SVOP: variants seen among roughly 807,000 people sequenced by gnomAD.
The protein encoded by SVOP is synaptic vesicle 2-related protein.
In SVOP, 17 loss-of-function variants were observed where a neutral mutation model predicts 69.1. The ratio of observed to expected loss-of-function variants is 0.25; its 90% CI spans 0.17 to 0.37. SVOP has a LOEUF of 0.37. Among genes scored for constraint, SVOP ranks in the 10% least tolerant of loss-of-function variants. The pLI is 1.00. For synonymous variants in SVOP, 238 were observed against 238.6 expected (o/e 1.00, Z 0.02); for missense variants, 435 against 597.5 (o/e 0.73, Z 2.84).
rs1304085500 is a variant in SVOP at position 108,908,015 on chromosome 12, G to A, written c.*4520C>T. 6 of 151,922 alleles carry A rather than the reference G, an allele frequency of 3.9e-5. No individual in the cohort carries two copies. The highest frequency in any genetic ancestry group is 1.5e-5 in the Non-Finnish European group (1 of 68,070). The allele number at this position is 151,922 out of a possible 1,614,324, so 9.4% of individuals were successfully genotyped here. ...ACTTCTTCCTGACCCAATTGAATTG[G>A]ACCAAGACTCAATCCAACACTAAAC... On this transcript the variant is annotated 3_prime_UTR_variant, in exon 16 of 16. Coordinates refer to ENST00000610966, the MANE Select transcript of SVOP (RefSeq NM_018711.5).
At chr12:108,941,639 C>T (rs1271993755) in intron 7 of SVOP, among the ~76,000 whole-genome samples, 2 of 152,030 alleles carry the variant, frequency 1.3e-5, no homozygotes, top group African/African-American at 2.4e-5. Flanking sequence ...ACTCAATTTG[C>T]AAACGTGAAA....
At chr12:108,991,437 TTTTGCTTGTTTG>T (rs201945751) in intron 1 of SVOP, among the ~76,000 whole-genome samples, 134,836 of 150,638 alleles carry the variant, frequency 0.9, 61,042 homozygotes, top group Non-Finnish European at 0.99. Flanking sequence ...CCATCTCGGG[TTTTGCTTGTTTG>T]TTTGTTTGTT....
At chr12:108,989,771 G>T (rs2137443799) in intron 1 of SVOP, among the ~76,000 whole-genome samples, 1 of 152,332 alleles carries the variant, frequency 6.6e-6, no homozygotes, top group Admixed American at 6.5e-5. Context: ...AGAAGTTCCT[G>T]CAGAGTTATT....
At chr12:108,954,573 T>C (rs557567562) in intron 6 of SVOP, among the ~76,000 whole-genome samples, 1 of 152,310 alleles carries the variant, frequency 6.6e-6, no homozygotes, top group South Asian at 2.1e-4. Context: ...GAATCTCTCG[T>C]CCTCTTTGTA....
chr12:108,947,343 G>GTCTA (rs920860364), intron 6 of SVOP, among the ~76,000 whole-genome samples: 3 of 151,978 alleles, frequency 2.0e-5, no homozygotes, highest in African/African-American at 7.3e-5. Flanking sequence ...TTATCTGTCT[G>GTCTA]TCTATCTATC....
chr12:108,937,313 G>A lies in SVOP; in HGVS notation c.922C>T (p.Leu308Phe). Residue 308 changes from leucine (L) to phenylalanine (F), a missense_variant, in exon 10 of 16, where the codon CTT (leucine) becomes TTT (phenylalanine). Leu to Phe is a conservative substitution (Grantham distance 22). Coordinates refer to ENST00000610966, the MANE Select transcript of SVOP (RefSeq NM_018711.5). ...RQEDRGKMRD[L>F]FTPHFRWTTL... ...GTCCATCTAAAATGGGGTGTGAAAA[G>A]GTCCCTCATTTTGCCTCGGTCTTCC... 1 of 1,613,908 alleles carries A rather than the reference G, an allele frequency of 6.2e-7. No individual in the cohort carries two copies. Among genetic ancestry groups the A allele is most frequent in the Non-Finnish European group, 8.5e-7 (1 of 1,179,858 alleles).
At position 108,929,588 on chromosome 12, in the gene SVOP, T is replaced by C. The variant is rs187289454; in HGVS notation, c.1048+4607A>G. 1.1e-4 allele frequency among the ~76,000 whole-genome samples: 16 copies of C among 152,220 alleles called. No homozygotes were observed. In the East Asian group the frequency reaches 3.1e-3, roughly 29 times the overall value. On this transcript the variant is annotated intron_variant, in intron 11 of 15. Transcript: ENST00000610966. ...CCTCCCAAGGTGCTGGGATTACGAG[T>C]ATGAGCCTGGCCCAGCAATAATCCT...
chr12:108,925,727 G>A (rs60632566), intron 11 of SVOP, among the ~76,000 whole-genome samples: 2 of 152,108 alleles, frequency 1.3e-5, no homozygotes, highest in East Asian at 3.9e-4. Flanking sequence ...CCTTTGGCAA[G>A]TAAGGCATGC....
At position 108,938,676 on chromosome 12, in the gene SVOP, G is replaced by C. The variant is rs117068876; in HGVS notation, c.897+151C>G. ...TACCCTTGCAGGTCCTGTCTACTGG[G>C]CCCTCATCTGCTCCATGTGCACGCA... On this transcript the variant is annotated intron_variant, in intron 9 of 15. Transcript: ENST00000610966. 9.7e-3 allele frequency: 11,978 copies of C among 1,237,692 alleles called. 94 individuals carry two copies. The highest frequency in any genetic ancestry group is 0.014 in the Admixed American group (693 of 47,904). 76.7% of individuals were successfully genotyped at this position (1,237,692 alleles called of 1,614,324 possible).
At chr12:108,978,748 G>C (rs2040120155) in intron 2 of SVOP, 85 bp from the exon 3 acceptor site, 1 of 663,690 alleles carries the variant, frequency 1.5e-6, no homozygotes, top group South Asian at 1.7e-5. Context: ...GTGGTCCCCA[G>C]CCAAGCTAAT....
intron 1 of SVOP, among the ~76,000 whole-genome samples, chr12:108,988,188 G>A (rs2040176963): frequency 6.6e-6 from 1 of 152,100 alleles, no homozygotes; most frequent in African/African-American, 2.4e-5. Flanking sequence ...GCCTCCCAAA[G>A]TGCTGGGATT....
intron 11 of SVOP, among the ~76,000 whole-genome samples, chr12:108,931,467 G>C (rs2039818083): frequency 6.6e-6 from 1 of 152,190 alleles, no homozygotes; most frequent in Non-Finnish European, 1.5e-5. Flanking sequence ...CACATGGAGA[G>C]CTTTTAAAAC....
rs898530043 is a variant in SVOP, at chr12:108,911,190, A to G, written c.*1345T>C. The G allele has an allele frequency of 1.6e-4, 24 of 152,208 alleles. No individual in the cohort carries two copies. The highest frequency in any genetic ancestry group is 5.3e-4 in the African/African-American group (22 of 41,420). 9.4% of individuals were successfully genotyped at this position (152,208 alleles called of 1,614,324 possible). ...CTCCACTCCACGGCAGGCTCCATGA[A>G]TGGAACTCCAGGGGCTGCCTTTGTG... On this transcript the variant is annotated 3_prime_UTR_variant, in exon 16 of 16. Transcript: ENST00000610966.
chr12:108,973,930 G>A (rs2040093065), intron 4 of SVOP, among the ~76,000 whole-genome samples: 1 of 152,172 alleles, frequency 6.6e-6, no homozygotes, highest in African/African-American at 2.4e-5. Flanking sequence ...AAGTCATCTG[G>A]TTTCCAATAC....
intron 6 of SVOP, among the ~76,000 whole-genome samples, chr12:108,956,711 T>C (rs1485224855): frequency 6.6e-6 from 1 of 152,160 alleles, no homozygotes; most frequent in Non-Finnish European, 1.5e-5. Context: ...TCTGACCCAC[T>C]GACAAAGGAT....
intron 5 of SVOP, among the ~76,000 whole-genome samples, chr12:108,961,608 G>A (rs556573688): frequency 6.6e-6 from 1 of 152,258 alleles, no homozygotes; most frequent in East Asian, 1.9e-4. Context: ...CTGATGGGAA[G>A]CTTCAGTGTC....
chr12:108,964,904 G>A (rs1198253207), intron 5 of SVOP, among the ~76,000 whole-genome samples: 1 of 151,974 alleles, frequency 6.6e-6, no homozygotes. Flanking sequence ...TCATTAATTT[G>A]CTCATTCAAT....
chr12:108,986,075 G>A (rs573588055), intron 1 of SVOP, among the ~76,000 whole-genome samples: 5 of 152,344 alleles, frequency 3.3e-5, no homozygotes, highest in African/African-American at 1.2e-4. Context: ...CTGGCAGACA[G>A]ACTGGTGGGG....
chr12:108,948,605 C>G (rs2039937426), intron 6 of SVOP, among the ~76,000 whole-genome samples: 1 of 152,224 alleles, frequency 6.6e-6, no homozygotes. Context: ...ATAAACAACA[C>G]TTCCTTAAAC....
Sources: allele counts gnomAD v4.1 joint callset (sites outside exome capture counted in the v4.1 genomes callset), GRCh38; gene constraint gnomAD v4.1.1; transcripts MANE v1.5; gene names NCBI Gene and HGNC (gene_info 2026-07-23, HGNC 2026-07-21).